The following RAD54B variants were observed in gnomAD, a reference collection of about 807,000 sequenced individuals.
RAD54B encodes RAD54 homolog B.
RAD54B carries 78 observed loss-of-function variants against 95.8 expected under a neutral mutation model. That is an observed-to-expected ratio of 0.81 (90% CI 0.68 to 0.98). RAD54B has a LOEUF of 0.98. RAD54B is among the 50% of genes least tolerant of loss of function. RAD54B has a pLI of 0.00. For synonymous variants in RAD54B, 328 were observed against 354.9 expected (o/e 0.92, Z 0.85); for missense variants, 957 against 1,056.6 (o/e 0.91, Z 1.31).
chr8:94,411,603 C>T (rs1290010879), intron 3 of RAD54B, among the ~76,000 whole-genome samples: 1 of 151,726 alleles, frequency 6.6e-6, no homozygotes, highest in Non-Finnish European at 1.5e-5. Context: ...TTTTAAAACT[C>T]TAAAAATTAA....
intron 1 of RAD54B, among the ~76,000 whole-genome samples, chr8:94,469,629 T>C (rs1006843535): frequency 5.3e-5 from 8 of 152,200 alleles, no homozygotes; most frequent in African/African-American, 1.7e-4. Flanking sequence ...ACAATTCACA[T>C]ACAAATATCA....
chr8:94,383,523 AGG>A (rs1017447667), intron 11 of RAD54B, among the ~76,000 whole-genome samples: 10 of 152,204 alleles, frequency 6.6e-5, no homozygotes, highest in South Asian at 2.1e-4. Context: ...AAAGAAAGAG[AGG>A]ATGCACATTC....
At chr8:94,398,664 G>A (rs1811199460) in intron 8 of RAD54B, among the ~76,000 whole-genome samples, 1 of 152,064 alleles carries the variant, frequency 6.6e-6, no homozygotes. Context: ...TATTAGTAAT[G>A]AATACAATTC....
At chr8:94,435,058 C>T (rs1812219667) in intron 3 of RAD54B, among the ~76,000 whole-genome samples, 1 of 151,882 alleles carries the variant, frequency 6.6e-6, no homozygotes, top group South Asian at 2.1e-4. Flanking sequence ...AAACCTATAC[C>T]TACTAACCAA....
chr8:94,400,036 C>T (rs1811233081), intron 7 of RAD54B, among the ~76,000 whole-genome samples: 2 of 151,864 alleles, frequency 1.3e-5, no homozygotes, highest in African/African-American at 4.8e-5. Context: ...CCTCCTAATA[C>T]TGCTATATTG....
At position 94,378,200 on chromosome 8, in the gene RAD54B, G is replaced by A. The variant is rs756190978; in HGVS notation, c.2495C>T (p.Thr832Ile). The A allele has an allele frequency of 2.5e-6, 4 of 1,610,972 alleles. No homozygotes were observed. The highest frequency in any genetic ancestry group is 3.4e-6 in the Non-Finnish European group (4 of 1,178,908). The change falls in exon 14 of 15, where the codon ACA (threonine) becomes ATA (isoleucine). Residue 832 changes from threonine to isoleucine, a missense_variant. Coordinates refer to ENST00000336148, the MANE Select transcript of RAD54B (RefSeq NM_012415.3). The part of the protein sequence containing the change: ...VTHDLLDCEC[T>I]GEEVHTGDSL... ...CTAACCTGTATGAACTTCTTCTCCTGTACACTCACAGTCAAGCAGATCATG... is the reference window on the plus strand; with the variant it reads ...CTAACCTGTATGAACTTCTTCTCCTATACACTCACAGTCAAGCAGATCATG...
At chr8:94,425,538 ATAAATT>A (rs1334432891) in intron 3 of RAD54B, among the ~76,000 whole-genome samples, 2 of 152,204 alleles carry the variant, frequency 1.3e-5, no homozygotes, top group Non-Finnish European at 2.9e-5. Context: ...TAACTGCAAT[ATAAATT>A]TAAGATTGAA....
At chr8:94,399,325 C>G (rs1811212869) in intron 8 of RAD54B, 89 bp downstream of exon 8, 1 of 992,236 alleles carries the variant, frequency 1.0e-6, no homozygotes, top group Admixed American at 2.0e-5. Context: ...CCAACACCAC[C>G]AGTTATTTGA....
At chr8:94,396,763 C>G (rs955873653) in intron 8 of RAD54B, among the ~76,000 whole-genome samples, 7 of 152,072 alleles carry the variant, frequency 4.6e-5, no homozygotes, top group East Asian at 3.8e-4. Flanking sequence ...GCTCTAACCC[C>G]CAATGTGACT....
At chr8:94,470,601 A>C (rs1813147136) in intron 1 of RAD54B, among the ~76,000 whole-genome samples, 1 of 151,752 alleles carries the variant, frequency 6.6e-6, no homozygotes, top group Non-Finnish European at 1.5e-5. Flanking sequence ...GTCTAAAAAA[A>C]AAAAAAATTA....
chr8:94,400,754 T>C (rs1055065039), intron 6 of RAD54B, among the ~76,000 whole-genome samples: 2 of 152,212 alleles, frequency 1.3e-5, no homozygotes, highest in South Asian at 2.1e-4. Flanking sequence ...TATCTGCATA[T>C]GGATAATTTA....
intron 3 of RAD54B, chr8:94,437,062 G>A (rs552302735): frequency 3.6e-6 from 4 of 1,126,628 alleles, no homozygotes; most frequent in Non-Finnish European, 4.7e-6. Context: ...CTTAAGCCAA[G>A]CCTGACCTAC....
chr8:94,396,300 TACTAAG>T (rs1424940964), intron 8 of RAD54B, among the ~76,000 whole-genome samples: 1 of 151,686 alleles, frequency 6.6e-6, no homozygotes. Flanking sequence ...TTGGTGTACT[TACTAAG>T]ACTATTTTCA....
intron 3 of RAD54B, among the ~76,000 whole-genome samples, chr8:94,440,898 G>GA (rs1197751374): frequency 6.6e-6 from 1 of 152,136 alleles, no homozygotes; most frequent in African/African-American, 2.4e-5. Context: ...CCTGTTTTAA[G>GA]AAAAAAACAA....
At chr8:94,400,003 A>T (rs994170025) in intron 7 of RAD54B, among the ~76,000 whole-genome samples, 9 of 151,396 alleles carry the variant, frequency 5.9e-5, no homozygotes, top group African/African-American at 1.9e-4. Context: ...ACCTCATTTA[A>T]ACCTAACTAC....
intron 3 of RAD54B, among the ~76,000 whole-genome samples, chr8:94,441,185 G>C (rs868291486): frequency 2.8e-4 from 42 of 152,258 alleles, no homozygotes; most frequent in Middle Eastern, 3.4e-3. Context: ...GCCCTTAAAA[G>C]GAACAGAAAT....
At chr8:94,397,090 T>A (rs1306752313) in intron 8 of RAD54B, among the ~76,000 whole-genome samples, 2 of 152,176 alleles carry the variant, frequency 1.3e-5, no homozygotes, top group African/African-American at 4.8e-5. Context: ...CTAATACCCC[T>A]CTATCAATCA....
At chr8:94,455,749 C>A (rs1442470517) in intron 3 of RAD54B, among the ~76,000 whole-genome samples, 1 of 152,152 alleles carries the variant, frequency 6.6e-6, no homozygotes, top group Non-Finnish European at 1.5e-5. Context: ...TTCTTTCTAG[C>A]CCCTGGTGGT....
intron 14 of RAD54B, among the ~76,000 whole-genome samples, chr8:94,375,626 T>G (rs137898125): frequency 6.6e-6 from 1 of 152,040 alleles, no homozygotes; most frequent in South Asian, 2.1e-4. Flanking sequence ...CAGACTAATA[T>G]AGTGGGGGAT....
Sources: allele counts gnomAD v4.1 joint callset (sites outside exome capture counted in the v4.1 genomes callset), GRCh38; gene constraint gnomAD v4.1.1; transcripts MANE v1.5; gene names NCBI Gene and HGNC (gene_info 2026-07-23, HGNC 2026-07-21).